Variants in CAMKMT observed in about 807,000 individuals in gnomAD.
CAMKMT encodes calmodulin-lysine N-methyltransferase, also known as CaM KMT.
A neutral mutation model predicts 48.0 loss-of-function variants in CAMKMT; 53 were observed. The ratio of observed to expected loss-of-function variants is 1.10; its 90% CI spans 0.89 to 1.39. The LOEUF (loss-of-function observed/expected upper bound fraction) is 1.39, where lower values mean the gene tolerates loss of function less well. Ranked by LOEUF, CAMKMT falls within the 40% of genes most tolerant of loss-of-function variation. The probability of loss-of-function intolerance (pLI) is 0.00; values close to 1 mark genes in which losing one functional copy is unlikely to be tolerated. For missense variants in CAMKMT, 428 were observed against 402.7 expected, an observed-to-expected ratio of 1.06 and a Z score of -0.54; for synonymous variants, 165 against 152.3, an observed-to-expected ratio of 1.08 and a Z score of -0.61.
chr2:44,708,579 A>G (rs186002009), intron 6 of CAMKMT, among the ~76,000 whole-genome samples: 13 of 152,256 alleles, frequency 8.5e-5, no homozygotes, highest in Admixed American at 8.5e-4. Context: ...AGGGAAGGAG[A>G]TCACAAAAGG....
rs77324791 is a variant in CAMKMT at position 44,552,231 on chromosome 2, A to G, written c.377-152052A>G. On this transcript the variant is annotated intron_variant, in intron 3 of 10. Coordinates refer to ENST00000378494, the MANE Select transcript of CAMKMT (RefSeq NM_024766.5). ...TTTGTGAGTGAGAACACTAACCTAC[A>G]GTTTGAATGTATGTTCACAGTGATA... Among the ~76,000 whole-genome samples the G allele has an allele frequency of 3.8e-3, 582 of 152,256 alleles. 1 individual carries two copies. Among genetic ancestry groups the G allele is most frequent in the African/African-American group, 0.013 (546 of 41,536 alleles).
chr2:44,523,666 T>C (rs151193783), intron 3 of CAMKMT, among the ~76,000 whole-genome samples: 1 of 151,916 alleles, frequency 6.6e-6, no homozygotes, highest in Non-Finnish European at 1.5e-5. Context: ...CCTAAAGGCT[T>C]AACTGGGACC....
intron 3 of CAMKMT, among the ~76,000 whole-genome samples, chr2:44,674,151 T>C (rs1249529595): frequency 6.6e-6 from 1 of 152,256 alleles, no homozygotes; most frequent in Non-Finnish European, 1.5e-5. Flanking sequence ...TTTATCAGGA[T>C]ACCTCATTAC....
intron 3 of CAMKMT, among the ~76,000 whole-genome samples, chr2:44,511,325 G>A (rs1670538469): frequency 6.6e-6 from 1 of 152,188 alleles, no homozygotes; most frequent in African/African-American, 2.4e-5. Context: ...GTCTTGCTCT[G>A]TCACGCAGGC....
rs141017634 is a variant in CAMKMT at position 44,384,500 on chromosome 2, CTTTTTT to C, written c.312-5726_312-5721del. Among the ~76,000 whole-genome samples the C allele has an allele frequency of 5.9e-4, 57 of 95,866 alleles. No individual in the cohort carries two copies. In the East Asian group the frequency reaches 9.5e-3, roughly 16 times the overall value. The allele number at this position is 95,866 out of a possible 152,430, so 62.9% of individuals were successfully genotyped here. On this transcript the variant is annotated intron_variant, in intron 2 of 10. Transcript: ENST00000378494. ...GTTTAATTAGATCTCAGCTATTTAT[CTTTTTT>C]TTTTTTTTTTTTTTGCATTTGCTTT... is the stretch of plus-strand genomic sequence containing the variant.
At chr2:44,368,257 G>A (rs1294470701) in intron 1 of CAMKMT, among the ~76,000 whole-genome samples, 5 of 152,176 alleles carry the variant, frequency 3.3e-5, no homozygotes, top group Non-Finnish European at 7.3e-5. Context: ...GGTATTTGAA[G>A]GAGGTCTTCT....
intron 3 of CAMKMT, among the ~76,000 whole-genome samples, chr2:44,557,665 G>C (rs1052297903): frequency 6.6e-6 from 1 of 152,158 alleles, no homozygotes; most frequent in Admixed American, 6.5e-5. Flanking sequence ...GAGAAAAAAA[G>C]GTTTCTAAAT....
rs577319335 is a variant in CAMKMT at position 44,437,585 on chromosome 2, C to T, written c.376+47280C>T. 3.9e-5 allele frequency among the ~76,000 whole-genome samples: 6 copies of T among 152,246 alleles called. No individual in the cohort carries two copies. The South Asian group carries it at 6.2e-4, about 16-fold the overall frequency. ...AGTATTGGCTGATCACAGTGGCTCA[C>T]GCCTGTAATCCCAGCACTTTGGGAG... On this transcript the variant is annotated intron_variant, in intron 3 of 10. Transcript: ENST00000378494.
intron 3 of CAMKMT, among the ~76,000 whole-genome samples, chr2:44,672,424 A>G (rs1051898076): frequency 6.6e-6 from 1 of 151,780 alleles, no homozygotes; most frequent in Non-Finnish European, 1.5e-5. Context: ...TTTTTTTTTC[A>G]GCTGCTCTTC....
intron 6 of CAMKMT, among the ~76,000 whole-genome samples, chr2:44,712,841 C>A (rs1056576296): frequency 3.9e-5 from 6 of 152,074 alleles, no homozygotes; most frequent in African/African-American, 1.4e-4. Context: ...ATGATAAAAT[C>A]TATTATTGGA....
rs1671989228 is a variant in CAMKMT at position 44,618,091 on chromosome 2, T to C, written c.377-86192T>C. On this transcript the variant is annotated intron_variant, in intron 3 of 10. Transcript: ENST00000378494. The surrounding 1 kb of genome is among the most constrained non-coding windows in gnomAD (Gnocchi z 4.0). Reference sequence around the variant, plus strand: ...ACTGATTTTAATGGATGAATTTTCATTTAAAAGTAAAAAATGATGTTCTCT... The same window carrying C: ...ACTGATTTTAATGGATGAATTTTCACTTAAAAGTAAAAAATGATGTTCTCT... Among the ~76,000 whole-genome samples, 1 of 152,232 alleles carries C rather than the reference T, an allele frequency of 6.6e-6. No individual in the cohort carries two copies. The highest frequency in any genetic ancestry group is 1.5e-5 in the Non-Finnish European group (1 of 68,040).
chr2:44,378,219 G>A (rs1679891632), intron 2 of CAMKMT, among the ~76,000 whole-genome samples: 1 of 152,100 alleles, frequency 6.6e-6, no homozygotes, highest in South Asian at 2.1e-4. Context: ...ATATGGGCTA[G>A]TATAACTTAG....
chr2:44,739,047 T>C (rs537128871), intron 7 of CAMKMT, among the ~76,000 whole-genome samples: 87 of 152,252 alleles, frequency 5.7e-4, no homozygotes, highest in African/African-American at 1.9e-3. Flanking sequence ...AGAGTAATAG[T>C]AGATGAGGAC....
Position 44,362,292 on chromosome 2 carries a change from G to T in CAMKMT, c.138+147G>T, listed in dbSNP as rs191044458. 1,439 of 668,080 alleles carry T rather than the reference G, an allele frequency of 2.2e-3. 10 individuals carry two copies. The Middle Eastern group carries it at 0.023, about 11-fold the overall frequency. The allele number at this position is 668,080 out of a possible 1,614,324, so 41.4% of individuals were successfully genotyped here. A position where few individuals can be genotyped will look rare whatever the true frequency, so the allele number is the denominator to read the frequency against. ...GGAGCCACCTGCGAAGCTCCCCCTC[G>T]CTTCACCTAAGCGTCCCATCCAAGA... On this transcript the variant is annotated intron_variant, in intron 1 of 10. Transcript: ENST00000378494.
intron 3 of CAMKMT, among the ~76,000 whole-genome samples, chr2:44,443,085 T>A (rs896377286): frequency 6.6e-6 from 1 of 152,206 alleles, no homozygotes; most frequent in Non-Finnish European, 1.5e-5. Flanking sequence ...TATAGTTCTT[T>A]GAACTCCTTA....
rs774075347 is a variant in CAMKMT at position 44,766,515 on chromosome 2, A to G, written c.848A>G (p.Gln283Arg). The G allele has an allele frequency of 6.8e-6, 11 of 1,614,074 alleles. No individual in the cohort carries two copies. The Admixed American group carries it at 1.8e-4, about 27-fold the overall frequency. ...GCTGAAAAAGCTGGTTTCTGTATCC[A>G]AAGACATGAAAATTATGATGAACAC... ...NLAEKAGFCIQRHENYDEHIS... is the reference protein window; with the variant it reads ...NLAEKAGFCIRRHENYDEHIS... The change falls in exon 10 of 11, where the codon CAA becomes CGA. Residue 283 changes from glutamine (Q) to arginine (R), a missense_variant. Physicochemically the swap from Gln to Arg is conservative, Grantham distance 43. Coordinates refer to ENST00000378494, the MANE Select transcript of CAMKMT (RefSeq NM_024766.5).
intron 3 of CAMKMT, among the ~76,000 whole-genome samples, chr2:44,696,149 G>A (rs1254618697): frequency 6.6e-6 from 1 of 151,972 alleles, no homozygotes; most frequent in Non-Finnish European, 1.5e-5. Flanking sequence ...CACTATGTTG[G>A]CCAGGGTTGT....
chr2:44,613,029 T>C (rs760554950), intron 3 of CAMKMT, among the ~76,000 whole-genome samples: 8 of 152,154 alleles, frequency 5.3e-5, no homozygotes, highest in Non-Finnish European at 8.8e-5. Context: ...AAAAGATGAA[T>C]GGGTAGAAGA....
At chr2:44,606,904 C>T (rs963855938) in intron 3 of CAMKMT, among the ~76,000 whole-genome samples, 1 of 151,970 alleles carries the variant, frequency 6.6e-6, no homozygotes, top group Admixed American at 6.6e-5. Context: ...ATTCCCTACC[C>T]GCCCTTCCAT....
Sources: gnomAD v4.1 joint callset for allele counts (sites outside exome capture counted in the v4.1 genomes callset) on GRCh38, gnomAD v4.1.1 for gene constraint, Gnocchi (gnomAD v3.1) non-coding constraint, MANE v1.5 for transcripts, NCBI Gene and HGNC (gene_info 2026-07-23, HGNC 2026-07-21) for gene names.